The following PROM1 variants were observed in gnomAD, a reference collection of about 807,000 sequenced individuals.
PROM1 encodes the protein prominin 1.
In PROM1, 105 loss-of-function variants were observed where a neutral mutation model predicts 116.9. The ratio of observed to expected loss-of-function variants is 0.90; its 90% CI spans 0.77 to 1.06. PROM1 has a LOEUF of 1.06. PROM1 is among the 50% of genes least tolerant of loss of function. The pLI, the probability that PROM1 is intolerant of heterozygous loss-of-function variation, is 0.00. For missense variants in PROM1, 1,122 were observed against 1,045.2 expected (o/e 1.07, Z -1.01); for synonymous variants, 393 against 387.0 (o/e 1.02, Z -0.18).
intron 8 of PROM1, among the ~76,000 whole-genome samples, chr4:16,020,669 C>T (rs111913433): frequency 2.6e-5 from 4 of 152,066 alleles, no homozygotes; most frequent in African/African-American, 9.7e-5. Flanking sequence ...ACCACCACCA[C>T]CACCAACAAC....
rs1719225539 is a variant in PROM1, at chr4:15,985,826, T to C, written c.2214A>G (p.Glu738=). 1.7e-5 allele frequency: 26 copies of C among 1,565,248 alleles called. No homozygotes were observed. Among genetic ancestry groups the C allele is most frequent in the Non-Finnish European group, 2.2e-5 (25 of 1,140,642 alleles). Residue 738 remains glutamate, a splice_region_variant and synonymous_variant, in exon 22 of 28, where the codon GAA becomes GAG. Transcript: ENST00000447510. ...TTATTGTTCTCCCATACTTCTTAGT[T>C]TCCTGGAAAGAAACAAAAGATGAGT... ...TNNTSSVIIE[E]TKKYGRTIIG... is the part of the protein sequence containing the mutation.
chr4:16,001,083 A>G lies in PROM1; in HGVS notation c.1455-464T>C, dbSNP rs562453517. Among the ~76,000 whole-genome samples, 383 of 152,314 alleles carry G rather than the reference A, an allele frequency of 2.5e-3. 3 individuals are homozygous for G. The highest frequency in any genetic ancestry group is 2.2e-3 in the Non-Finnish European group (153 of 68,022). ...CAACGTGGATGGGACATCATTGCAG[A>G]GGCTGTTATCATGGCCCATGAGGGT... On this transcript the variant is annotated intron_variant, in intron 13 of 27. Transcript: ENST00000447510.
chr4:16,045,947 A>G (rs1736456626), intron 2 of PROM1, among the ~76,000 whole-genome samples: 1 of 152,218 alleles, frequency 6.6e-6, no homozygotes, highest in African/African-American at 2.4e-5. Context: ...AATTGTCCTG[A>G]TCTACAAAAC....
chr4:15,987,635 C>T (rs1296584113), intron 20 of PROM1, 28 bp downstream of exon 20: 1 of 1,598,640 alleles, frequency 6.3e-7, no homozygotes, highest in Non-Finnish European at 8.5e-7. Context: ...AACAAAACCC[C>T]ATGACAGAAA....
At chr4:15,977,998 A>G (rs7690707) in intron 26 of PROM1, among the ~76,000 whole-genome samples, 36,523 of 152,078 alleles carry the variant, frequency 0.24, 4,422 homozygotes, top group Admixed American at 0.3. Context: ...GTGACGCTTT[A>G]GGTCATGAAG....
At chr4:16,017,404 G>A (rs775869998) in intron 9 of PROM1, among the ~76,000 whole-genome samples, 3 of 152,158 alleles carry the variant, frequency 2.0e-5, no homozygotes, top group Non-Finnish European at 4.4e-5. Flanking sequence ...CTAAAAAACT[G>A]TTCAATCAAA....
intron 2 of PROM1, among the ~76,000 whole-genome samples, chr4:16,061,994 C>T (rs13125512): frequency 0.72 from 108,528 of 150,680 alleles, 39,270 homozygotes; most frequent in Non-Finnish European, 0.76. Context: ...CGGGTTCACA[C>T]CATTCTCCTG....
At chr4:16,059,587 C>A (rs1430320074) in intron 2 of PROM1, among the ~76,000 whole-genome samples, 1 of 152,026 alleles carries the variant, frequency 6.6e-6, no homozygotes, top group Non-Finnish European at 1.5e-5. Context: ...TGCCTGTGTT[C>A]CAGCTACTGG....
At chr4:16,018,251 C>T in intron 9 of PROM1, 72 bp downstream of exon 9, 1 of 1,452,458 alleles carries the variant, frequency 6.9e-7, no homozygotes, top group Non-Finnish European at 9.6e-7. Context: ...CTGGATAGGT[C>T]ACCCACGCTT....
At chr4:16,010,269 G>A (rs768442640) in intron 11 of PROM1, among the ~76,000 whole-genome samples, 10 of 152,092 alleles carry the variant, frequency 6.6e-5, no homozygotes, top group Non-Finnish European at 1.3e-4. Context: ...CTGAACCAAC[G>A]CTCACATGAG....
intron 16 of PROM1, among the ~76,000 whole-genome samples, chr4:15,992,709 C>T (rs1376673444): frequency 1.3e-5 from 2 of 152,190 alleles, no homozygotes; most frequent in African/African-American, 2.4e-5. Flanking sequence ...TACTTCCCAT[C>T]CTGTTCATTT....
chr4:15,984,492 G>T, intron 22 of PROM1, 137 bp from the exon 23 acceptor site: 1 of 551,590 alleles, frequency 1.8e-6, no homozygotes, highest in Non-Finnish European at 3.2e-6. Context: ...CCAACTCCTG[G>T]GTCACAGATG....
chr4:16,039,365 A>G (rs866201202), intron 2 of PROM1, among the ~76,000 whole-genome samples: 9 of 152,348 alleles, frequency 5.9e-5, no homozygotes, highest in Middle Eastern at 3.4e-3. Context: ...GGAAACACAA[A>G]TGAAATTTAT....
intron 1 of PROM1, among the ~76,000 whole-genome samples, chr4:16,080,174 C>T (rs1464086304): frequency 1.4e-4 from 18 of 129,432 alleles, no homozygotes; most frequent in Non-Finnish European, 3.3e-5. Flanking sequence ...CCTGGGCGAC[C>T]TTACATGATT....
At chr4:16,075,645 G>A (rs757019603) in intron 2 of PROM1, 42 bp downstream of exon 2, 19 of 1,536,764 alleles carry the variant, frequency 1.2e-5, no homozygotes, top group South Asian at 2.4e-5. Flanking sequence ...TTGTGGGTGC[G>A]TTTGGAGATA....
chr4:16,075,513 A>G (rs1743759025), intron 2 of PROM1, among the ~76,000 whole-genome samples, 174 bp downstream of exon 2: 1 of 152,204 alleles, frequency 6.6e-6, no homozygotes, highest in African/African-American at 2.4e-5. Context: ...ATTCCTCGCA[A>G]CCTATGTAAC....
At chr4:16,035,607 GAGA>G (rs1733768463) in intron 4 of PROM1, 125 bp downstream of exon 4, 1 of 901,302 alleles carries the variant, frequency 1.1e-6, no homozygotes, top group East Asian at 2.4e-5. Context: ...TTTCTTCAAA[GAGA>G]AGGTTAAAAG....
intron 2 of PROM1, among the ~76,000 whole-genome samples, chr4:16,067,586 A>C (rs1299465404): frequency 6.6e-6 from 1 of 152,198 alleles, no homozygotes; most frequent in Non-Finnish European, 1.5e-5. Flanking sequence ...AGGAAGGATC[A>C]ATAGATATCA....
chr4:15,996,099 C>T (rs750308886), intron 15 of PROM1, among the ~76,000 whole-genome samples: 12 of 152,218 alleles, frequency 7.9e-5, no homozygotes, highest in Non-Finnish European at 1.6e-4. Context: ...GAAGTTTACA[C>T]AACCGAGGTG....
Sources: gnomAD v4.1 joint callset for allele counts (sites outside exome capture counted in the v4.1 genomes callset) on GRCh38, gnomAD v4.1.1 for gene constraint, MANE v1.5 for transcripts, NCBI Gene and HGNC (gene_info 2026-07-23, HGNC 2026-07-21) for gene names.